FGF13: variants seen among roughly 807,000 people sequenced by gnomAD.
FGF13 encodes fibroblast growth factor homologous factor 2.
Under a neutral mutation model 19.5 loss-of-function variants are expected in FGF13, and 2 were observed. That is an observed-to-expected ratio of 0.10 (90% CI 0.04 to 0.32). The LOEUF (loss-of-function observed/expected upper bound fraction) is 0.32, where lower values mean the gene tolerates loss of function less well. Among genes scored for constraint, FGF13 ranks in the 10% least tolerant of loss-of-function variants. The probability of loss-of-function intolerance (pLI) is 1.00; values close to 1 mark genes in which losing one functional copy is unlikely to be tolerated. For missense variants in FGF13, 113 were observed against 192.7 expected (o/e 0.59, Z 2.45); for synonymous variants, 72 against 76.9 (o/e 0.94, Z 0.33).
At chrX:139,204,192 C>T (rs2084444445), upstream of FGF13, 1 of 896,931 alleles carries the variant, frequency 1.1e-6, no homozygotes, top group African/African-American at 2.0e-5. Context: ...CTTAGGGCGG[C>T]AAGTCTCGAC....
intron 3 of FGF13, among the ~76,000 whole-genome samples, chrX:138,754,434 T>C (rs1404594003): frequency 1.8e-5 from 2 of 111,320 alleles, no homozygotes; most frequent in East Asian, 5.7e-4. Context: ...CCAAACTACT[T>C]TCAGCTTCAT....
At chrX:139,119,990 G>A (rs1248612858) in intron 1 of FGF13, among the ~76,000 whole-genome samples, 2 of 111,856 alleles carry the variant, frequency 1.8e-5, no homozygotes, top group East Asian at 5.7e-4. Context: ...GGAGATGATC[G>A]GATCATGGGG....
intron 1 of FGF13, among the ~76,000 whole-genome samples, chrX:138,944,005 T>A (rs1334642375): frequency 9.0e-6 from 1 of 111,561 alleles, no homozygotes; most frequent in Non-Finnish European, 1.9e-5. Flanking sequence ...TCATGGATTT[T>A]TTTTGTATCT....
intron 1 of FGF13, among the ~76,000 whole-genome samples, chrX:139,023,603 C>T (rs1181607309): frequency 9.0e-6 from 1 of 111,169 alleles, no homozygotes; most frequent in Non-Finnish European, 1.9e-5. Flanking sequence ...AAAGTTCATA[C>T]CAGGGTGATT....
At chrX:138,705,091 A>G in intron 2 of FGF13, among the ~76,000 whole-genome samples, 1 of 112,130 alleles carries the variant, frequency 8.9e-6, no homozygotes, top group Non-Finnish European at 1.9e-5. Flanking sequence ...AAAACTTCCA[A>G]CATGGGGTTG....
rs763061125 is a variant in FGF13, at chrX:139,139,051, T to C, written c.-113+64365A>G. 1.3e-3 allele frequency among the ~76,000 whole-genome samples: 142 copies of C among 107,238 alleles called. 1 individual carries two copies. Among genetic ancestry groups the C allele is most frequent in the African/African-American group, 4.5e-3 (132 of 29,511 alleles). 93.1% of individuals were successfully genotyped at this position (107,238 alleles called of 115,157 possible). On this transcript the variant is annotated intron_variant, in intron 1 of 2. Coordinates refer to the FGF13 transcript ENST00000421460. ...TCCAAGCTATTCTCCTGCCTCAGCC[T>C]CCCAAAGTAACTGAGATTGCAGGTG...
chrX:138,710,328 A>T (rs2090031475), intron 1 of FGF13, among the ~76,000 whole-genome samples: 1 of 104,949 alleles, frequency 9.5e-6, no homozygotes, highest in African/African-American at 3.5e-5. Context: ...AAGTCATCAA[A>T]GAAACGCAAT....
In FGF13 at chrX:139,057,760, T is replaced by C. The variant is rs373411422; in HGVS notation, c.-113+145656A>G. Reference sequence around the variant, plus strand: ...ACATGGATGAGCCTTGAAAACGATATGCTAACTGAAAGAAGAAAGTCACAA... The same window carrying C: ...ACATGGATGAGCCTTGAAAACGATACGCTAACTGAAAGAAGAAAGTCACAA... On this transcript the variant is annotated intron_variant, in intron 1 of 2. Coordinates refer to the FGF13 transcript ENST00000421460. Among the ~76,000 whole-genome samples, 8 of 112,293 alleles carry C rather than the reference T, an allele frequency of 7.1e-5. No homozygotes were observed. The East Asian group carries it at 2.0e-3, about 27-fold the overall frequency.
At position 138,632,454 on chromosome X, in the gene FGF13, T is replaced by TTTGTTTTGTA. The variant is rs1458755298; in HGVS notation, c.*395_*396insTACAAAACAA. On this transcript the variant is annotated 3_prime_UTR_variant, in exon 5 of 5. Coordinates refer to ENST00000315930, the MANE Select transcript of FGF13 (RefSeq NM_004114.5). ...CCGACAAAACATTTAAGCAGTTAAT[T>TTTGTTTTGTA]TTGTTTTGTTTTGTTTTGTTTGTTT... 8.8e-6 allele frequency: 1 copy of TTTGTTTTGTA among 113,596 alleles called. No homozygotes were observed. The highest frequency in any genetic ancestry group is 3.3e-5 in the African/African-American group (1 of 30,694). The allele number at this position is 113,596 out of a possible 1,213,427, so 9.4% of individuals were successfully genotyped here.
At chrX:138,640,917 T>G (rs2089243830) in intron 3 of FGF13, among the ~76,000 whole-genome samples, 1 of 111,900 alleles carries the variant, frequency 8.9e-6, no homozygotes, top group African/African-American at 3.3e-5. Context: ...CCATGCAGAC[T>G]GTAAATGTTT....
chrX:139,203,136 A>C (rs189077988), intron 1 of FGF13, among the ~76,000 whole-genome samples: 180 of 111,936 alleles, frequency 1.6e-3, no homozygotes, highest in African/African-American at 5.4e-3. Flanking sequence ...CCTTTGCCTT[A>C]GTTCTCCCCA....
At chrX:138,885,394 G>A (rs774860336) in intron 1 of FGF13, among the ~76,000 whole-genome samples, 7 of 111,382 alleles carry the variant, frequency 6.3e-5, no homozygotes, top group Non-Finnish European at 1.1e-4. Context: ...AGCAAACAAC[G>A]CTCCAAGTAG....
chrX:139,143,710 T>C (rs1481335165), intron 1 of FGF13, among the ~76,000 whole-genome samples: 1 of 111,522 alleles, frequency 9.0e-6, no homozygotes, highest in Non-Finnish European at 1.9e-5. Flanking sequence ...AAGGCGCTGC[T>C]GTTTTAGGTG....
At chrX:139,068,151 T>C (rs1164049748) in intron 1 of FGF13, among the ~76,000 whole-genome samples, 1 of 91,705 alleles carries the variant, frequency 1.1e-5, no homozygotes, top group Non-Finnish European at 2.1e-5. Context: ...CCATCTTGAA[T>C]TGATTTTTGT....
rs763833815 is a variant in FGF13, at chrX:139,070,773, G to A, written c.-113+132643C>T. 2.7e-5 allele frequency among the ~76,000 whole-genome samples: 3 copies of A among 112,192 alleles called. No individual in the cohort carries two copies. In the South Asian group the frequency reaches 1.1e-3, roughly 42 times the overall value. On this transcript the variant is annotated intron_variant, in intron 1 of 2. Coordinates refer to the FGF13 transcript ENST00000421460. ...AGTGGATAAAGAAAATGAAGAAAAT[G>A]TGGCACATATACACTATGGAATACT...
At chrX:139,038,372 C>T (rs1010637146) in intron 1 of FGF13, among the ~76,000 whole-genome samples, 5 of 111,226 alleles carry the variant, frequency 4.5e-5, no homozygotes, top group African/African-American at 1.6e-4. Flanking sequence ...TGTTTCCTGT[C>T]GGGACCCCCA....
At chrX:139,056,521 C>T (rs188696106) in intron 1 of FGF13, among the ~76,000 whole-genome samples, 197 of 112,478 alleles carry the variant, frequency 1.8e-3, no homozygotes, top group African/African-American at 5.8e-3. Context: ...ATTTTGAAAA[C>T]GGCTGAATGT....
intron 1 of FGF13, among the ~76,000 whole-genome samples, chrX:139,032,347 T>C (rs887782732): frequency 2.7e-5 from 3 of 111,719 alleles, no homozygotes; most frequent in Non-Finnish European, 5.7e-5. Flanking sequence ...AACTTCCTTT[T>C]TATAAAACCT....
chrX:138,943,436 A>G lies in FGF13; in HGVS notation c.-112-78786T>C, dbSNP rs768373315. On this transcript the variant is annotated intron_variant, in intron 1 of 2. Coordinates refer to the FGF13 transcript ENST00000421460. Reference sequence around the variant, plus strand: ...ACATTTCACTGAGAGAATATGAGCTAGCTAGGAGCTCCCAAATATGAATTC... The same window carrying G: ...ACATTTCACTGAGAGAATATGAGCTGGCTAGGAGCTCCCAAATATGAATTC... Among the ~76,000 whole-genome samples the G allele has an allele frequency of 2.7e-5, 3 of 112,495 alleles. No homozygotes were observed. The East Asian group carries it at 8.4e-4, about 32-fold the overall frequency.
Sources: gnomAD v4.1 joint callset for allele counts (sites outside exome capture counted in the v4.1 genomes callset) on GRCh38, gnomAD v4.1.1 for gene constraint, MANE v1.5 for transcripts, NCBI Gene and HGNC (gene_info 2026-07-23, HGNC 2026-07-21) for gene names.